The following SENP5 variants were observed in gnomAD, a reference collection of about 807,000 sequenced individuals.
SENP5 encodes the protein SUMO specific peptidase 5, also known as sentrin-specific protease 5.
Under a neutral mutation model 74.2 loss-of-function variants are expected in SENP5, and 21 were observed. The ratio of observed to expected loss-of-function variants is 0.28; its 90% CI spans 0.20 to 0.41. The LOEUF (loss-of-function observed/expected upper bound fraction) is 0.41, where lower values mean the gene tolerates loss of function less well. Ranked by LOEUF, SENP5 falls within the 10% of genes least tolerant of loss-of-function variation. SENP5 has a pLI of 1.00. For missense variants in SENP5, 717 were observed against 889.1 expected (o/e 0.81, Z 2.46); for synonymous variants, 311 against 312.7 (o/e 0.99, Z 0.06).
intron 7 of SENP5, among the ~76,000 whole-genome samples, chr3:196,926,876 T>G (rs921604381): frequency 2.0e-5 from 3 of 152,128 alleles, no homozygotes; most frequent in African/African-American, 7.2e-5. Flanking sequence ...TGACCTCACC[T>G]CATGTGATCC....
Position 196,906,421 on chromosome 3 carries a change from C to G in SENP5, c.1884+2811C>G, listed in dbSNP as rs570541983. On this transcript the variant is annotated intron_variant, in intron 6 of 9. Coordinates refer to ENST00000323460, the MANE Select transcript of SENP5 (RefSeq NM_152699.5). ...CTGCAGTCTAGTGGTGGAGACAGCA[C>G]CTACCACAGTTTGTATTTATATTTT... Among the ~76,000 whole-genome samples the G allele has an allele frequency of 7.9e-5, 12 of 152,196 alleles. No homozygotes were observed. The South Asian group carries it at 2.5e-3, about 32-fold the overall frequency.
At chr3:196,909,661 C>T (rs550809580) in intron 6 of SENP5, among the ~76,000 whole-genome samples, 3 of 152,258 alleles carry the variant, frequency 2.0e-5, no homozygotes, top group East Asian at 1.9e-4. Flanking sequence ...TGACGAAAAC[C>T]ACATGATTAT....
intron 6 of SENP5, among the ~76,000 whole-genome samples, chr3:196,910,223 A>G (rs1180208261): frequency 2.0e-5 from 3 of 152,104 alleles, no homozygotes; most frequent in Admixed American, 1.3e-4. Context: ...AAGGAGAACT[A>G]CAAACCACTG....
At chr3:196,877,572 A>G (rs1415444334) in intron 1 of SENP5, among the ~76,000 whole-genome samples, 1 of 152,152 alleles carries the variant, frequency 6.6e-6, no homozygotes. Flanking sequence ...ATATTTGCAC[A>G]GTATTTTTTT....
chr3:196,927,757 T>C (rs775911193), intron 7 of SENP5, 39 bp from the exon 8 acceptor site: 22 of 1,225,542 alleles, frequency 1.8e-5, no homozygotes, highest in Non-Finnish European at 2.4e-5. Context: ...CACCAACTGA[T>C]GGAACACAGC....
intron 6 of SENP5, among the ~76,000 whole-genome samples, chr3:196,909,793 G>A (rs1254551690): frequency 6.6e-6 from 1 of 152,074 alleles, no homozygotes; most frequent in Non-Finnish European, 1.5e-5. Flanking sequence ...CAAACCCATA[G>A]CCAATATCAG....
At chr3:196,871,529 T>G (rs1713214927) in intron 1 of SENP5, among the ~76,000 whole-genome samples, 1 of 152,122 alleles carries the variant, frequency 6.6e-6, no homozygotes, top group African/African-American at 2.4e-5. Context: ...TACTTGAGAC[T>G]AAAATTTTCA....
At chr3:196,868,829 G>C (rs967235480) in intron 1 of SENP5, among the ~76,000 whole-genome samples, 1 of 151,402 alleles carries the variant, frequency 6.6e-6, no homozygotes, top group Non-Finnish European at 1.5e-5. Context: ...TGAGAATCTG[G>C]TTAAATTTAA....
In SENP5 at chr3:196,885,414, C is replaced by T. The variant is rs1236505946; in HGVS notation, c.233C>T (p.Ala78Val). 3 of 1,614,030 alleles carry T rather than the reference C, an allele frequency of 1.9e-6. No individual in the cohort carries two copies. Among genetic ancestry groups the T allele is most frequent in the Non-Finnish European group, 2.5e-6 (3 of 1,180,046 alleles). The change falls in exon 2 of 10, where the codon GCT becomes GTT. Residue 78 changes from alanine to valine, a missense_variant. Coordinates refer to ENST00000323460, the MANE Select transcript of SENP5 (RefSeq NM_152699.5). ...KTWIKDEPLC[A>V]KTKFNVATQN... is the part of the protein sequence containing the mutation. ...TGGATCAAGGATGAACCCCTTTGTG[C>T]TAAGACCAAGTTCAATGTGGCTACT...
intron 1 of SENP5, among the ~76,000 whole-genome samples, chr3:196,872,957 C>T (rs1300320658): frequency 1.3e-5 from 2 of 151,884 alleles, no homozygotes; most frequent in Non-Finnish European, 2.9e-5. Flanking sequence ...TTGACCAATC[C>T]TTTTATTTTT....
intron 2 of SENP5, among the ~76,000 whole-genome samples, chr3:196,895,307 T>A (rs936701289): frequency 6.7e-6 from 1 of 149,830 alleles, no homozygotes; most frequent in East Asian, 2.0e-4. Context: ...TTCTCCTGCC[T>A]CCCGAGTAGC....
intron 6 of SENP5, chr3:196,914,125 C>G (rs1327202031): frequency 6.6e-6 from 1 of 152,088 alleles, no homozygotes; most frequent in Non-Finnish European, 1.5e-5. Context: ...CTAATATATT[C>G]AGGGGTCAGT....
chr3:196,871,570 T>G (rs1368191359), intron 1 of SENP5, among the ~76,000 whole-genome samples: 1 of 151,898 alleles, frequency 6.6e-6, no homozygotes. Context: ...TGTAAAGATA[T>G]AATTTACGGC....
At chr3:196,908,892 G>A (rs144162582) in intron 6 of SENP5, among the ~76,000 whole-genome samples, 3,233 of 152,160 alleles carry the variant, frequency 0.021, 49 homozygotes, top group Non-Finnish European at 0.031. Flanking sequence ...AAAGCTAGCA[G>A]AAAACAAGAA....
At position 196,885,535 on chromosome 3, in the gene SENP5, G is replaced by C; in HGVS notation, c.354G>C (p.Lys118Asn). Residue 118 changes from lysine to asparagine, a missense_variant, in exon 2 of 10, where the codon AAG (lysine) becomes AAC (asparagine). Coordinates refer to ENST00000323460, the MANE Select transcript of SENP5 (RefSeq NM_152699.5). ...SKTLLRLQAE[K>N]LLSSAKNSDH... is the part of the protein sequence containing the mutation. ...CTCTCCTGAGACTCCAAGCAGAGAA[G>C]CTGTTGTCATCAGCAAAGAATTCTG... The C allele has an allele frequency of 6.2e-7, 1 of 1,614,126 alleles. No homozygotes were observed. The highest frequency in any genetic ancestry group is 8.5e-7 in the Non-Finnish European group (1 of 1,180,038).
At chr3:196,899,797 C>A in intron 3 of SENP5, 26 bp downstream of exon 3, 1 of 1,543,426 alleles carries the variant, frequency 6.5e-7, no homozygotes, top group Non-Finnish European at 8.9e-7. Context: ...TAAAGTTAAG[C>A]CCTTGAAAAT....
intron 6 of SENP5, among the ~76,000 whole-genome samples, chr3:196,907,907 A>G (rs548859883): frequency 9.9e-5 from 15 of 151,786 alleles, no homozygotes; most frequent in African/African-American, 3.4e-4. Flanking sequence ...AAAAAAAAAA[A>G]CCCAGGTTTA....
In SENP5 at chr3:196,920,464, A is replaced by G. The variant is rs953283114; in HGVS notation, c.1885-2950A>G. Among the ~76,000 whole-genome samples, 6 of 152,326 alleles carry G rather than the reference A, an allele frequency of 3.9e-5. No homozygotes were observed. The East Asian group carries it at 1.2e-3, about 29-fold the overall frequency. ...TTTGTATATTCTGTGAAATTTTCATAGACACTTATAAGTAGTGACAGTTTT... is the reference window on the plus strand; with the variant it reads ...TTTGTATATTCTGTGAAATTTTCATGGACACTTATAAGTAGTGACAGTTTT... On this transcript the variant is annotated intron_variant, in intron 6 of 9. Transcript: ENST00000323460.
chr3:196,903,975 C>T (rs1404112079), intron 6 of SENP5, among the ~76,000 whole-genome samples: 1 of 152,234 alleles, frequency 6.6e-6, no homozygotes, highest in East Asian at 1.9e-4. Context: ...CACTTGAGCA[C>T]AAGCATTTGA....
Sources: gnomAD v4.1 joint callset for allele counts (sites outside exome capture counted in the v4.1 genomes callset) on GRCh38, gnomAD v4.1.1 for gene constraint, MANE v1.5 for transcripts, NCBI Gene and HGNC (gene_info 2026-07-23, HGNC 2026-07-21) for gene names.